STIMATE: variants seen among roughly 807,000 people sequenced by gnomAD.
STIMATE encodes store-operated calcium entry regulator STIMATE.
A neutral mutation model predicts 36.7 loss-of-function variants in STIMATE; 15 were observed. The observed-to-expected ratio is 0.41, with a 90% CI of 0.27 to 0.63. The LOEUF (loss-of-function observed/expected upper bound fraction) is 0.63, where lower values mean the gene tolerates loss of function less well. Ranked by LOEUF, STIMATE falls within the 20% of genes least tolerant of loss-of-function variation. The pLI, the probability that STIMATE is intolerant of heterozygous loss-of-function variation, is 0.32. For synonymous variants in STIMATE, 163 were observed against 162.3 expected, an observed-to-expected ratio of 1.00 and a Z score of -0.03; for missense variants, 305 against 397.3, an observed-to-expected ratio of 0.77 and a Z score of 1.98.
intron 1 of STIMATE, among the ~76,000 whole-genome samples, chr3:52,857,075 G>T (rs541519717): frequency 3.9e-4 from 59 of 152,332 alleles, no homozygotes; most frequent in African/African-American, 1.3e-3. Flanking sequence ...GCCAGCGAGG[G>T]TGCAGGAGGA....
At chr3:52,851,490 T>A (rs889328177) in intron 3 of STIMATE, among the ~76,000 whole-genome samples, 1 of 152,246 alleles carries the variant, frequency 6.6e-6, no homozygotes, top group South Asian at 2.1e-4. Context: ...GGGCGCAGCC[T>A]GTGCTAGGGT....
At position 52,849,812 on chromosome 3, in the gene STIMATE, G is replaced by A. The variant is rs1700967128; in HGVS notation, c.407C>T (p.Ser136Phe). The A allele has an allele frequency of 2.5e-6, 4 of 1,613,256 alleles. No homozygotes were observed. Among genetic ancestry groups the A allele is most frequent in the Admixed American group, 3.3e-5 (2 of 59,992 alleles). The change falls in exon 4 of 8, where the codon TCC (serine) becomes TTC (phenylalanine). Residue 136 changes from serine to phenylalanine, a missense_variant. By Grantham distance (155) the Ser-to-Phe change is radical. Around this residue, in one of 3 missense-constraint regions of STIMATE, gnomAD observed 164 missense variants for 257.9 expected, o/e 0.64. Transcript: ENST00000355083. Reference protein sequence around the residue: ...SVLVEWQQWESLRFGEYGDPL... With the variant: ...SVLVEWQQWEFLRFGEYGDPL... ...ATTACCATATTCGCCGAAGCGCAGG[G>A]ACTCCCACTGCTGCCACTCTACCAG...
rs1401707557 is a variant in STIMATE, at chr3:52,839,564, C to T, written c.*930G>A. 1 of 152,210 alleles carries T rather than the reference C, an allele frequency of 6.6e-6. No individual in the cohort carries two copies. Among genetic ancestry groups the T allele is most frequent in the Non-Finnish European group, 1.5e-5 (1 of 68,056 alleles). 9.4% of individuals were successfully genotyped at this position (152,210 alleles called of 1,614,324 possible). A position where few individuals can be genotyped will look rare whatever the true frequency, so the allele number is the denominator to read the frequency against. ...AATGCTAGAGCTCATGGGCCCTGGG[C>T]AGAGCCTTTCCTGTTCCACACTCTG... On this transcript the variant is annotated 3_prime_UTR_variant, in exon 8 of 8. Coordinates refer to ENST00000355083, the MANE Select transcript of STIMATE (RefSeq NM_198563.5).
intron 1 of STIMATE, among the ~76,000 whole-genome samples, chr3:52,863,382 G>C (rs1701250408): frequency 6.6e-6 from 1 of 152,140 alleles, no homozygotes; most frequent in South Asian, 2.1e-4. Flanking sequence ...ATCAGATCTT[G>C]TGAGACTTAT....
intron 3 of STIMATE, 50 bp downstream of exon 3, chr3:52,852,553 T>G (rs377399991): frequency 6.2e-7 from 1 of 1,609,514 alleles, no homozygotes; most frequent in Admixed American, 1.7e-5. Flanking sequence ...CCAGCCTATA[T>G]TTTCAATGGA....
intron 1 of STIMATE, among the ~76,000 whole-genome samples, chr3:52,865,525 G>A (rs943361190): frequency 2.6e-4 from 39 of 152,146 alleles, no homozygotes; most frequent in African/African-American, 9.2e-4. Context: ...TTTATATGGC[G>A]GCGGCAAGAA....
chr3:52,864,128 G>A (rs1246896642), intron 1 of STIMATE, among the ~76,000 whole-genome samples: 3 of 152,176 alleles, frequency 2.0e-5, no homozygotes, highest in African/African-American at 2.4e-5. Flanking sequence ...TGGGGGCTCC[G>A]ACCTCACATC....
Position 52,843,816 on chromosome 3 carries a change from C to G in STIMATE, c.541-18G>C. Reference sequence around the variant, plus strand: ...AGGGCCACCTGTAAAGAGAAGCAGACTCAGTGAGGTAGGGAGAGGCCACCG... The same window carrying G: ...AGGGCCACCTGTAAAGAGAAGCAGAGTCAGTGAGGTAGGGAGAGGCCACCG... On this transcript the variant is annotated intron_variant, in intron 5 of 7. Transcript: ENST00000355083. 6.2e-7 allele frequency: 1 copy of G among 1,613,166 alleles called. No homozygotes were observed. Among genetic ancestry groups the G allele is most frequent in the East Asian group, 2.2e-5 (1 of 44,840 alleles).
intron 1 of STIMATE, among the ~76,000 whole-genome samples, chr3:52,871,296 G>C (rs536379148): frequency 3.3e-5 from 5 of 152,262 alleles, no homozygotes; most frequent in African/African-American, 9.6e-5. Flanking sequence ...AAGGCCACAG[G>C]ACTCACACCC....
At chr3:52,876,995 C>T (rs764837238) in intron 1 of STIMATE, among the ~76,000 whole-genome samples, 23 of 152,136 alleles carry the variant, frequency 1.5e-4, no homozygotes, top group Admixed American at 6.5e-5. Context: ...ATACATAGTC[C>T]AAAATTTCAA....
At chr3:52,887,994 GTTTTTTTTTTTTTT>G (rs71087029) in intron 1 of STIMATE, among the ~76,000 whole-genome samples, 2 of 52,694 alleles carry the variant, frequency 3.8e-5, no homozygotes, top group African/African-American at 1.4e-4. Flanking sequence ...AACAGAATCA[GTTTTTTTTTTTTTT>G]TTTTTTTTTT....
intron 1 of STIMATE, among the ~76,000 whole-genome samples, chr3:52,862,136 C>T (rs553180120): frequency 6.6e-6 from 1 of 152,308 alleles, no homozygotes; most frequent in African/African-American, 2.4e-5. Context: ...GCCATTTCTG[C>T]ATAGAATGGA....
rs991054543 is a variant in STIMATE, at chr3:52,894,157, T to C, written c.160+3134A>G. Among the ~76,000 whole-genome samples the C allele has an allele frequency of 7.3e-4, 111 of 152,352 alleles. 1 individual carries two copies. The highest frequency in any genetic ancestry group is 2.6e-3 in the African/African-American group (108 of 41,580). ...TTTAAAGCGTTTCTTTCTATGCAGA[T>C]ACCTAGCAGACACTTCAGAAAACTC... On this transcript the variant is annotated intron_variant, in intron 1 of 7. Transcript: ENST00000355083.
intron 1 of STIMATE, among the ~76,000 whole-genome samples, chr3:52,880,345 C>A (rs573555872): frequency 1.3e-5 from 2 of 152,282 alleles, no homozygotes; most frequent in East Asian, 3.9e-4. Context: ...AAGCACAGAA[C>A]CAGAGAAAGC....
At chr3:52,875,273 G>T (rs1286821008) in intron 1 of STIMATE, among the ~76,000 whole-genome samples, 1 of 152,200 alleles carries the variant, frequency 6.6e-6, no homozygotes, top group African/African-American at 2.4e-5. Context: ...TTTACCCAAA[G>T]AACTGACCTT....
chr3:52,861,297 C>T (rs890377959), intron 1 of STIMATE, among the ~76,000 whole-genome samples: 1 of 152,186 alleles, frequency 6.6e-6, no homozygotes, highest in South Asian at 2.1e-4. Context: ...CAGCACTCAG[C>T]GGCACTGCCT....
At chr3:52,852,813 TTA>T (rs1372838803) in intron 2 of STIMATE, 115 bp from the exon 3 acceptor site, 2 of 1,318,968 alleles carry the variant, frequency 1.5e-6, no homozygotes, top group Non-Finnish European at 2.1e-6. Context: ...CAATCACTGG[TTA>T]TCTCTTCCTG....
chr3:52,843,888 G>T (rs1476005886), intron 5 of STIMATE, 90 bp from the exon 6 acceptor site: 8 of 1,565,992 alleles, frequency 5.1e-6, no homozygotes, highest in Non-Finnish European at 6.9e-6. Flanking sequence ...CCCTGAGGGA[G>T]CCTTAGCTTA....
At chr3:52,870,871 A>G (rs562701672) in intron 1 of STIMATE, among the ~76,000 whole-genome samples, 5 of 152,138 alleles carry the variant, frequency 3.3e-5, no homozygotes, top group Non-Finnish European at 5.9e-5. Flanking sequence ...AGGTGCTCCA[A>G]GTAATTGTGT....
Sources: gnomAD v4.1 joint callset for allele counts (sites outside exome capture counted in the v4.1 genomes callset) on GRCh38, gnomAD v4.1.1 for gene constraint, gnomAD v4.1.1 regional missense constraint, MANE v1.5 for transcripts, NCBI Gene and HGNC (gene_info 2026-07-23, HGNC 2026-07-21) for gene names.